Variants in UBE2D4 observed in about 807,000 individuals in gnomAD.
The protein encoded by UBE2D4 is ubiquitin conjugating enzyme E2 D4, also known as ubiquitin-conjugating enzyme E2 D4.
In UBE2D4, 17 loss-of-function variants were observed where a neutral mutation model predicts 23.0. The ratio of observed to expected loss-of-function variants is 0.74; its 90% confidence interval spans 0.51 to 1.11. The LOEUF (loss-of-function observed/expected upper bound fraction) is 1.11. Ranked by LOEUF, UBE2D4 falls within the 50% of genes least tolerant of loss-of-function variation. The pLI is 0.00. For missense variants in UBE2D4, 139 were observed against 181.8 expected, an observed-to-expected ratio of 0.76 and a Z score of 1.35; for synonymous variants, 61 against 69.4, an observed-to-expected ratio of 0.88 and a Z score of 0.60.
chr7:43,955,458 A>G lies in UBE2D4; in HGVS notation c.*2763A>G, dbSNP rs992778684. 3.3e-5 allele frequency: 5 copies of G among 152,202 alleles called. No homozygotes were observed. The highest frequency in any genetic ancestry group is 1.2e-4 in the African/African-American group (5 of 41,452). 9.4% of individuals were successfully genotyped at this position (152,202 alleles called of 1,614,324 possible). A position where few individuals can be genotyped will look rare whatever the true frequency, so the allele number is the denominator to read the frequency against. On this transcript the variant is annotated 3_prime_UTR_variant, in exon 7 of 7. Transcript: ENST00000222402. ...ACTCCAGAAAGATCCAGGAGTTCCA[A>G]GAACATGGCAAAGAGTCAAAATCTT...
chr7:43,934,469 T>G (rs1481929674), intron 1 of UBE2D4, among the ~76,000 whole-genome samples: 1 of 138,900 alleles, frequency 7.2e-6, no homozygotes, highest in Non-Finnish European at 1.6e-5. Flanking sequence ...TTTTTTTTTG[T>G]ATTCATGAAT....
rs1208437210 is a variant in UBE2D4, at chr7:43,954,985, A to G, written c.*2290A>G. Reference sequence around the variant, plus strand: ...AGCCTGCTCTCTCTGTTGGATATACATAATAGAGAAAGTCAAATCAGCCCT... The same window carrying G: ...AGCCTGCTCTCTCTGTTGGATATACGTAATAGAGAAAGTCAAATCAGCCCT... On this transcript the variant is annotated 3_prime_UTR_variant, in exon 7 of 7. Transcript: ENST00000222402. 3 of 152,244 alleles carry G rather than the reference A, an allele frequency of 2.0e-5. No individual in the cohort carries two copies. Among genetic ancestry groups the G allele is most frequent in the Non-Finnish European group, 4.4e-5 (3 of 68,046 alleles). The allele number at this position is 152,244 out of a possible 1,614,324, so 9.4% of individuals were successfully genotyped here. A position where few individuals can be genotyped will look rare whatever the true frequency, so the allele number is the denominator to read the frequency against.
At position 43,953,895 on chromosome 7, in the gene UBE2D4, T is replaced by A. The variant is rs1329989289; in HGVS notation, c.*1200T>A. The A allele has an allele frequency of 6.6e-6, 1 of 152,290 alleles. No homozygotes were observed. Among genetic ancestry groups the A allele is most frequent in the East Asian group, 1.9e-4 (1 of 5,208 alleles). The allele number at this position is 152,290 out of a possible 1,614,324, so 9.4% of individuals were successfully genotyped here. On this transcript the variant is annotated 3_prime_UTR_variant, in exon 7 of 7. Coordinates refer to ENST00000222402, the MANE Select transcript of UBE2D4 (RefSeq NM_015983.4). ...TGGTCCACTTCCAGGAAGTGATGTG[T>A]AGGTGAATAGGAACAAAAGGTGAAG...
rs2096010017 is a variant in UBE2D4 at position 43,954,706 on chromosome 7, GCAGTGCCAT to G, written c.*2013_*2021del. 6.6e-6 allele frequency: 1 copy of G among 152,228 alleles called. No individual in the cohort carries two copies. The highest frequency in any genetic ancestry group is 1.5e-5 in the Non-Finnish European group (1 of 68,050). The allele number at this position is 152,228 out of a possible 1,614,324, so 9.4% of individuals were successfully genotyped here. On this transcript the variant is annotated 3_prime_UTR_variant, in exon 7 of 7. Transcript: ENST00000222402. ...TGTTAGCATATGGCTCTACTGAGCAGCAGTGCCATCTGGTGCCTGAGATCATGTGCTTCA... is the reference window on the plus strand; with the variant it reads ...TGTTAGCATATGGCTCTACTGAGCAGCTGGTGCCTGAGATCATGTGCTTCA...
At chr7:43,940,120 G>C (rs1026188810) in intron 2 of UBE2D4, among the ~76,000 whole-genome samples, 3 of 152,240 alleles carry the variant, frequency 2.0e-5, no homozygotes, top group Non-Finnish European at 4.4e-5. Context: ...ACTGAGCTTA[G>C]AGGAGCCAGC....
chr7:43,931,299 A>G (rs1034079211), intron 1 of UBE2D4, among the ~76,000 whole-genome samples: 4 of 152,024 alleles, frequency 2.6e-5, no homozygotes, highest in African/African-American at 9.7e-5. Context: ...TTAGACAGGC[A>G]TGGTTCTTGG....
intron 5 of UBE2D4, 38 bp from the exon 6 acceptor site, chr7:43,950,561 C>T (rs767510214): frequency 2.0e-5 from 32 of 1,567,762 alleles, no homozygotes; most frequent in Middle Eastern, 1.7e-4. Context: ...CCAGCAGCTT[C>T]GTGGCTACAG....
In UBE2D4 at chr7:43,942,853, G is replaced by A; in HGVS notation, c.116G>A (p.Gly39Asp). 1.2e-6 allele frequency: 2 copies of A among 1,614,178 alleles called. No individual in the cohort carries two copies. The change falls in exon 3 of 7, where the codon GGC (glycine) becomes GAC (aspartate). Residue 39 changes from glycine to aspartate, a missense_variant. By Grantham distance (94) the Gly-to-Asp change is moderately conservative. Coordinates refer to ENST00000222402, the MANE Select transcript of UBE2D4 (RefSeq NM_015983.4). ...TTCCACTGGCAGGCCACCATCATGG[G>A]CCCGGTAGGTAGTAGCTGCTGAGCG... Reference protein sequence around the residue: ...DLFHWQATIMGPNDSPYQGGV... With the variant: ...DLFHWQATIMDPNDSPYQGGV...
At chr7:43,929,626 A>AAGAATC (rs1346239542) in intron 1 of UBE2D4, among the ~76,000 whole-genome samples, 1 of 151,898 alleles carries the variant, frequency 6.6e-6, no homozygotes. Flanking sequence ...AAAGCAAAAC[A>AAGAATC]AGAATCAAGG....
intron 4 of UBE2D4, among the ~76,000 whole-genome samples, chr7:43,947,409 G>A (rs1201501788): frequency 6.6e-6 from 1 of 152,194 alleles, no homozygotes; most frequent in Non-Finnish European, 1.5e-5. Flanking sequence ...GGGATTACAG[G>A]TGTGAGCCAC....
At chr7:43,932,058 G>A (rs1459904208) in intron 1 of UBE2D4, among the ~76,000 whole-genome samples, 1 of 150,704 alleles carries the variant, frequency 6.6e-6, no homozygotes, top group Non-Finnish European at 1.5e-5. Context: ...GCACGATCTC[G>A]GCTCACTGCA....
intron 1 of UBE2D4, among the ~76,000 whole-genome samples, chr7:43,931,202 T>A (rs1041932755): frequency 2.0e-5 from 3 of 151,972 alleles, no homozygotes; most frequent in Admixed American, 1.3e-4. Context: ...TTTGGGAGGC[T>A]AAGGCAGGTG....
At chr7:43,936,927 C>G (rs758615188) in intron 1 of UBE2D4, among the ~76,000 whole-genome samples, 5 of 152,162 alleles carry the variant, frequency 3.3e-5, no homozygotes, top group Admixed American at 3.3e-4. Flanking sequence ...CACAGGAATT[C>G]GATGTGTGAG....
At chr7:43,933,013 T>TATATATATATATATAA in intron 1 of UBE2D4, among the ~76,000 whole-genome samples, 1 of 116,644 alleles carries the variant, frequency 8.6e-6, no homozygotes, top group African/African-American at 3.4e-5. Flanking sequence ...TATATATATA[T>TATATATATATATATAA]ACACACACAT....
rs1370594019 is a variant in UBE2D4, at chr7:43,944,532, A to G, written c.198+1501A>G. 1 of 152,226 alleles carries G rather than the reference A, an allele frequency of 6.6e-6. No homozygotes were observed. The highest frequency in any genetic ancestry group is 1.5e-5 in the Non-Finnish European group (1 of 68,056). 9.4% of individuals were successfully genotyped at this position (152,226 alleles called of 1,614,324 possible). A position where few individuals can be genotyped will look rare whatever the true frequency, so the allele number is the denominator to read the frequency against. The stretch of plus-strand genomic sequence containing the variant: ...TTGTTTATCTGAGTCAATGTGAAGA[A>G]GCCCCTTCTGTGCTCACCAGCTGCA... On this transcript the variant is annotated intron_variant, in intron 4 of 6. Coordinates refer to ENST00000222402, the MANE Select transcript of UBE2D4 (RefSeq NM_015983.4). The surrounding 1 kb of genome is among the most constrained non-coding windows in gnomAD (Gnocchi z 4.0).
Position 43,926,449 on chromosome 7 carries a change from T to G in UBE2D4, c.-84T>G. Reference sequence around the variant, plus strand: ...CAAGCGCAGGCTGCGGCTCCCGGCGTGCAGCTTGGTGGCGGCTGAGCCGGC... The same window carrying G: ...CAAGCGCAGGCTGCGGCTCCCGGCGGGCAGCTTGGTGGCGGCTGAGCCGGC... On this transcript the variant is annotated 5_prime_UTR_variant, in exon 1 of 7. Transcript: ENST00000222402. The G allele has an allele frequency of 8.0e-7, 1 of 1,252,774 alleles. No individual in the cohort carries two copies. The highest frequency in any genetic ancestry group is 3.9e-5 in the Admixed American group (1 of 25,450). The allele number at this position is 1,252,774 out of a possible 1,614,324, so 77.6% of individuals were successfully genotyped here. A position where few individuals can be genotyped will look rare whatever the true frequency, so the allele number is the denominator to read the frequency against.
intron 1 of UBE2D4, among the ~76,000 whole-genome samples, chr7:43,931,618 C>CG (rs371336269): frequency 0.44 from 24,146 of 55,234 alleles, 3,145 homozygotes; most frequent in East Asian, 0.53. Flanking sequence ...GGTGGGGGGG[C>CG]GGGGGGGGTG....
intron 2 of UBE2D4, among the ~76,000 whole-genome samples, chr7:43,938,699 G>T (rs915643337): frequency 2.0e-5 from 3 of 152,216 alleles, no homozygotes; most frequent in Non-Finnish European, 4.4e-5. Flanking sequence ...AGCCGGGCAT[G>T]CTGGCACATG....
At chr7:43,928,231 G>A (rs935409779) in intron 1 of UBE2D4, 3 of 293,840 alleles carry the variant, frequency 1.0e-5, no homozygotes, top group East Asian at 2.3e-4. Context: ...TGAGGAATCC[G>A]CCCCCACGAC....
Sources: allele counts gnomAD v4.1 joint callset (sites outside exome capture counted in the v4.1 genomes callset), GRCh38; gene constraint gnomAD v4.1.1; non-coding constraint Gnocchi (gnomAD v3.1); transcripts MANE v1.5; gene names NCBI Gene and HGNC (gene_info 2026-07-23, HGNC 2026-07-21).